Variants in SERAC1 observed in about 807,000 individuals in gnomAD.
SERAC1 encodes the protein protein SERAC1.
Under a neutral mutation model 85.7 loss-of-function variants are expected in SERAC1, and 36 were observed. That is an observed-to-expected ratio of 0.42 (90% CI 0.32 to 0.55). SERAC1 has a LOEUF of 0.55. Among genes scored for constraint, SERAC1 ranks in the 20% least tolerant of loss-of-function variants. SERAC1 has a pLI of 0.11. For synonymous variants in SERAC1, 242 were observed against 265.3 expected (o/e 0.91, Z 0.85); for missense variants, 629 against 796.2 (o/e 0.79, Z 2.53).
At chr6:158,122,790 A>G (rs1784452885) in intron 10 of SERAC1, among the ~76,000 whole-genome samples, 1 of 152,210 alleles carries the variant, frequency 6.6e-6, no homozygotes, top group South Asian at 2.1e-4. Context: ...AAAGAAAAAG[A>G]AAAATGTAGC....
chr6:158,129,337 G>A (rs1414036775), intron 9 of SERAC1, among the ~76,000 whole-genome samples: 1 of 152,156 alleles, frequency 6.6e-6, no homozygotes, highest in African/African-American at 2.4e-5. Flanking sequence ...CATGTCCAAT[G>A]TGTCCCAAAA....
rs555311001 is a variant in SERAC1, at chr6:158,128,238, A to G, written c.885T>C (p.Asn295=). Residue 295 remains asparagine, a synonymous_variant, in exon 10 of 17, where the codon AAT becomes AAC. Coordinates refer to ENST00000647468, the MANE Select transcript of SERAC1 (RefSeq NM_032861.4). ...ISTHCDKIEA[N]GGLQLLQRLY... ...GCCTCTGAAGTAGCTGCAGGCCTCCATTTGCTTCGATTTTATCACAATGTG... is the reference window on the plus strand; with the variant it reads ...GCCTCTGAAGTAGCTGCAGGCCTCCGTTTGCTTCGATTTTATCACAATGTG... 11 of 1,614,060 alleles carry G rather than the reference A, an allele frequency of 6.8e-6. No homozygotes were observed. The South Asian group carries it at 9.9e-5, about 15-fold the overall frequency.
chr6:158,127,381 AGC>A (rs1784568807), intron 10 of SERAC1, among the ~76,000 whole-genome samples: 1 of 51,852 alleles, frequency 1.9e-5, no homozygotes, highest in African/African-American at 7.6e-5. Context: ...TGGGGGGGTC[AGC>A]CCCCCTGCCC....
intron 8 of SERAC1, among the ~76,000 whole-genome samples, chr6:158,133,725 C>G (rs564326965): frequency 9.9e-5 from 15 of 152,148 alleles, no homozygotes; most frequent in Admixed American, 4.6e-4. Context: ...AACCTTAGAG[C>G]TCTGTGATTT....
intron 14 of SERAC1, among the ~76,000 whole-genome samples, chr6:158,115,531 C>T (rs186107115): frequency 1.3e-5 from 2 of 152,342 alleles, no homozygotes; most frequent in Non-Finnish European, 2.9e-5. Context: ...CTACACCCAC[C>T]TTTGTCTCAG....
At chr6:158,124,751 ACACACACACAC>A (rs1784499163) in intron 10 of SERAC1, among the ~76,000 whole-genome samples, 4 of 35,734 alleles carry the variant, frequency 1.1e-4, no homozygotes, top group Non-Finnish European at 2.6e-4. Context: ...GCTGGAAAAC[ACACACACACAC>A]ACACACACAC....
At chr6:158,121,748 T>C (rs1308540559) in intron 10 of SERAC1, among the ~76,000 whole-genome samples, 2 of 152,168 alleles carry the variant, frequency 1.3e-5, no homozygotes, top group Non-Finnish European at 2.9e-5. Context: ...ATTATATCTA[T>C]AGAGATAGAC....
At chr6:158,151,475 G>T (rs1407579151) in intron 3 of SERAC1, among the ~76,000 whole-genome samples, 2 of 151,914 alleles carry the variant, frequency 1.3e-5, no homozygotes, top group Non-Finnish European at 2.9e-5. Flanking sequence ...AGGTTGAAGT[G>T]CAGTGGCACA....
At position 158,128,299 on chromosome 6, in the gene SERAC1, T is replaced by C. The variant is rs763019742; in HGVS notation, c.853-29A>G. ...GCACAATAAATAAACAGAAGCTCCC[T>C]TGACATTGTACAAATTCATGACGTG... On this transcript the variant is annotated intron_variant, in intron 9 of 16. Transcript: ENST00000647468. 12 of 1,610,166 alleles carry C rather than the reference T, an allele frequency of 7.5e-6. No homozygotes were observed. The East Asian group carries it at 2.0e-4, about 27-fold the overall frequency.
intron 1 of SERAC1, among the ~76,000 whole-genome samples, chr6:158,162,866 C>T (rs1293821669): frequency 6.6e-6 from 1 of 152,076 alleles, no homozygotes. Context: ...TATTCCTTTT[C>T]CTATAACCAT....
chr6:158,158,421 G>C, intron 1 of SERAC1, 57 bp from the exon 2 acceptor site: 1 of 1,300,350 alleles, frequency 7.7e-7, no homozygotes, highest in South Asian at 1.2e-5. Context: ...CAAAACACTT[G>C]TTTTAACTAC....
intron 8 of SERAC1, among the ~76,000 whole-genome samples, chr6:158,140,456 G>T (rs182518798): frequency 7.9e-5 from 12 of 152,298 alleles, no homozygotes; most frequent in Admixed American, 1.3e-4. Context: ...CACCCGGAGG[G>T]GCATGAAGGC....
intron 16 of SERAC1, 144 bp downstream of exon 16, chr6:158,113,305 T>C (rs112084256): frequency 1.7e-5 from 11 of 654,784 alleles, no homozygotes; most frequent in Non-Finnish European, 2.3e-5. Context: ...AATCTATTGC[T>C]GAAAAGAATA....
At chr6:158,122,737 G>C (rs748163628) in intron 10 of SERAC1, among the ~76,000 whole-genome samples, 1 of 152,130 alleles carries the variant, frequency 6.6e-6, no homozygotes, top group East Asian at 1.9e-4. Flanking sequence ...CCAAGATAGC[G>C]CCACTGCACT....
chr6:158,163,368 G>C (rs950208417), intron 1 of SERAC1, among the ~76,000 whole-genome samples: 24 of 152,166 alleles, frequency 1.6e-4, no homozygotes, highest in Non-Finnish European at 2.4e-4. Flanking sequence ...TATAAGTAGA[G>C]GGAATAGATG....
intron 1 of SERAC1, among the ~76,000 whole-genome samples, chr6:158,166,370 C>T (rs1237166202): frequency 6.6e-6 from 1 of 152,162 alleles, no homozygotes; most frequent in Non-Finnish European, 1.5e-5. Context: ...TTCTCTATCC[C>T]TGAATCAATA....
chr6:158,158,327 T>C lies in SERAC1; in HGVS notation c.37A>G (p.Arg13Gly). The change falls in exon 2 of 17, where the codon AGA (arginine) becomes GGA (glycine). Residue 13 changes from arginine to glycine, a missense_variant. By Grantham distance (125) the Arg-to-Gly change is moderately radical. Transcript: ENST00000647468. ...GGTGGGGAAGTAGAGGTTCCTATTCTTCTGCAACAGATGACGCAATAAGCA... is the reference window on the plus strand; with the variant it reads ...GGTGGGGAAGTAGAGGTTCCTATTCCTCTGCAACAGATGACGCAATAAGCA... ...LAAYCVICCRRIGTSTSPPKS... is the reference protein window; with the variant it reads ...LAAYCVICCRGIGTSTSPPKS... 2.5e-6 allele frequency: 4 copies of C among 1,613,946 alleles called. No homozygotes were observed. The South Asian group carries it at 4.4e-5, about 18-fold the overall frequency.
Position 158,144,370 on chromosome 6 carries a change from C to A in SERAC1, c.538G>T (p.Gly180Cys), listed in dbSNP as rs1159191828. 2 of 1,613,080 alleles carry A rather than the reference C, an allele frequency of 1.2e-6. No individual in the cohort carries two copies. Among genetic ancestry groups the A allele is most frequent in the Non-Finnish European group, 1.7e-6 (2 of 1,179,434 alleles). ...AQACDPKTLI[G>C]LARSEESDLR... The stretch of plus-strand genomic sequence containing the variant: ...TCACTCTCTTCGCTTCGTGCCAAAC[C>A]AATAAGAGTTTTCGGATCACAGGCT... The change falls in exon 7 of 17, where the codon GGT becomes TGT. Residue 180 changes from glycine to cysteine, a missense_variant. Transcript: ENST00000647468.
intron 8 of SERAC1, among the ~76,000 whole-genome samples, chr6:158,132,625 A>G (rs752332192): frequency 1.4e-4 from 22 of 152,216 alleles, no homozygotes; most frequent in African/African-American, 2.9e-4. Context: ...GCAAAGAAAA[A>G]TGATCTAGGA....
Sources: allele counts gnomAD v4.1 joint callset (sites outside exome capture counted in the v4.1 genomes callset), GRCh38; gene constraint gnomAD v4.1.1; transcripts MANE v1.5; gene names NCBI Gene and HGNC (gene_info 2026-07-23, HGNC 2026-07-21).